Variants in FBXL17 observed in about 807,000 individuals in gnomAD.
FBXL17 encodes F-box and leucine rich repeat protein 17.
A neutral mutation model predicts 66.2 loss-of-function variants in FBXL17; 22 were observed. The observed-to-expected ratio is 0.33, with a 90% confidence interval of 0.24 to 0.47. FBXL17 has a LOEUF of 0.47. Among genes scored for constraint, FBXL17 ranks in the 20% least tolerant of loss-of-function variants. FBXL17 has a pLI of 1.00. For missense variants in FBXL17, 878 were observed against 948.2 expected (o/e 0.93, Z 0.97); for synonymous variants, 474 against 400.5 (o/e 1.18, Z -2.19).
chr5:108,315,617 TAA>T (rs1435452106), intron 4 of FBXL17, among the ~76,000 whole-genome samples: 1 of 149,110 alleles, frequency 6.7e-6, no homozygotes, highest in Admixed American at 6.7e-5. Flanking sequence ...TGAACCTTGT[TAA>T]AAAAAAAGAG....
chr5:108,302,355 A>G (rs1758629792), intron 4 of FBXL17, among the ~76,000 whole-genome samples: 1 of 151,878 alleles, frequency 6.6e-6, no homozygotes, highest in South Asian at 2.1e-4. Context: ...TGCTTCAAAC[A>G]AAATCCCAAA....
At chr5:108,214,572 A>G (rs1754519626) in intron 5 of FBXL17, among the ~76,000 whole-genome samples, 1 of 152,012 alleles carries the variant, frequency 6.6e-6, no homozygotes, top group South Asian at 2.1e-4. Context: ...GCATTTCACC[A>G]TATTGGCCAT....
Position 108,214,497 on chromosome 5 carries a change from A to T in FBXL17, c.1614+9624T>A, listed in dbSNP as rs557519960. Among the ~76,000 whole-genome samples the T allele has an allele frequency of 2.1e-3, 314 of 151,918 alleles. 1 individual carries two copies. The highest frequency in any genetic ancestry group is 3.1e-3 in the Non-Finnish European group (211 of 67,962). On this transcript the variant is annotated intron_variant, in intron 5 of 8. Transcript: ENST00000542267. ...ATTCTCCTGCCTCAGCCTCCCGAGT[A>T]ACTGGGACAAGAGGCACATGCCACT...
At chr5:107,885,030 T>C (rs1748917645) in intron 7 of FBXL17, among the ~76,000 whole-genome samples, 1 of 152,216 alleles carries the variant, frequency 6.6e-6, no homozygotes, top group Non-Finnish European at 1.5e-5. Context: ...TCTCTATCAG[T>C]GATCATAAAC....
chr5:108,016,936 C>T (rs1483499393), intron 7 of FBXL17, among the ~76,000 whole-genome samples: 3 of 152,084 alleles, frequency 2.0e-5, no homozygotes, highest in East Asian at 1.9e-4. Flanking sequence ...TGCGTCACCA[C>T]GCTCAGCTAA....
At chr5:107,982,876 G>C (rs1170996484) in intron 7 of FBXL17, among the ~76,000 whole-genome samples, 1 of 152,114 alleles carries the variant, frequency 6.6e-6, no homozygotes, top group African/African-American at 2.4e-5. Context: ...ATGTTTCCTG[G>C]CTCTGACTAC....
At chr5:108,201,676 T>C (rs1753900291) in intron 5 of FBXL17, among the ~76,000 whole-genome samples, 1 of 151,980 alleles carries the variant, frequency 6.6e-6, no homozygotes, top group Non-Finnish European at 1.5e-5. Flanking sequence ...TTTATTCTCA[T>C]TAAGCTCCAA....
At chr5:108,149,130 C>T (rs2149994286) in intron 6 of FBXL17, among the ~76,000 whole-genome samples, 1 of 152,224 alleles carries the variant, frequency 6.6e-6, no homozygotes, top group Admixed American at 6.5e-5. Flanking sequence ...GTGAAATGTA[C>T]ACAGTGTCTC....
chr5:107,996,356 C>A lies in FBXL17; in HGVS notation c.1822+24569G>T, dbSNP rs116040944. ...TGGAGACCGAGTCTCCCTGTGTGAC[C>A]CAGGCTGGAGTACAGTGGCAAGATC... On this transcript the variant is annotated intron_variant, in intron 7 of 8. Coordinates refer to ENST00000542267, the MANE Select transcript of FBXL17 (RefSeq NM_001163315.3). Among the ~76,000 whole-genome samples, 1,097 of 152,198 alleles carry A rather than the reference C, an allele frequency of 7.2e-3. 13 individuals carry two copies. The highest frequency in any genetic ancestry group is 0.024 in the African/African-American group (1,017 of 41,520).
At chr5:108,154,612 T>TACACACAC (rs1407716122) in intron 6 of FBXL17, among the ~76,000 whole-genome samples, 4 of 95,438 alleles carry the variant, frequency 4.2e-5, no homozygotes, top group African/African-American at 1.9e-4. Context: ...AAAAAATATA[T>TACACACAC]ATATACACAC....
intron 5 of FBXL17, among the ~76,000 whole-genome samples, chr5:108,199,423 C>T (rs900777085): frequency 1.3e-5 from 2 of 152,148 alleles, no homozygotes; most frequent in African/African-American, 2.4e-5. Flanking sequence ...ACTGAGAAAA[C>T]ATTTCAACTC....
chr5:108,014,483 T>G (rs1387300553), intron 7 of FBXL17, among the ~76,000 whole-genome samples: 2 of 152,178 alleles, frequency 1.3e-5, no homozygotes, highest in Non-Finnish European at 2.9e-5. Context: ...TGGTGGTATT[T>G]TCTTGGATGA....
At chr5:107,895,962 T>C (rs903595008) in intron 7 of FBXL17, among the ~76,000 whole-genome samples, 7 of 152,142 alleles carry the variant, frequency 4.6e-5, no homozygotes, top group Non-Finnish European at 1.0e-4. Context: ...ATCTCCTCCA[T>C]TTGGAGGCAA....
At chr5:108,000,433 CT>C (rs1452789490) in intron 7 of FBXL17, among the ~76,000 whole-genome samples, 4 of 152,194 alleles carry the variant, frequency 2.6e-5, no homozygotes, top group African/African-American at 9.6e-5. Context: ...TGTTAATCAC[CT>C]TTTCTGTTTG....
intron 4 of FBXL17, among the ~76,000 whole-genome samples, chr5:108,236,899 G>C (rs945188921): frequency 2.6e-5 from 4 of 152,126 alleles, no homozygotes; most frequent in Non-Finnish European, 5.9e-5. Context: ...ATACAGGAAA[G>C]GGAAATTATT....
chr5:108,055,280 GAAAAAAAAAAAAAAAAAA>G (rs1000211060), intron 6 of FBXL17, among the ~76,000 whole-genome samples: 2 of 23,692 alleles, frequency 8.4e-5, no homozygotes, highest in Non-Finnish European at 1.6e-4. Flanking sequence ...AGAATTTTTA[GAAAAAAAAAAAAAAAAAA>G]AAAAAAAAAA....
intron 5 of FBXL17, among the ~76,000 whole-genome samples, chr5:108,201,463 TAC>T (rs754932188): frequency 2.8e-4 from 43 of 152,084 alleles, no homozygotes; most frequent in Non-Finnish European, 5.4e-4. Flanking sequence ...AAAAATAAAA[TAC>T]AGTTAAGTAT....
chr5:107,992,935 G>A (rs574593748), intron 7 of FBXL17, among the ~76,000 whole-genome samples: 19 of 150,924 alleles, frequency 1.3e-4, no homozygotes, highest in African/African-American at 3.4e-4. Context: ...TTGCTCTGTC[G>A]CCCAGGTTGG....
chr5:107,859,994 T>G lies in FBXL17; in HGVS notation c.*1726A>C, dbSNP rs1156663546. The G allele has an allele frequency of 1.3e-5, 2 of 152,180 alleles. No homozygotes were observed. The highest frequency in any genetic ancestry group is 2.9e-5 in the Non-Finnish European group (2 of 68,026). 9.4% of individuals were successfully genotyped at this position (152,180 alleles called of 1,614,324 possible). A position where few individuals can be genotyped will look rare whatever the true frequency, so the allele number is the denominator to read the frequency against. On this transcript the variant is annotated 3_prime_UTR_variant, in exon 9 of 9. Transcript: ENST00000542267. ...TTACACAAATTTTATTCCCTTCAAA[T>G]TAAATTAGAAACCCATTTAGTTATG...
Sources: gnomAD v4.1 joint callset for allele counts (sites outside exome capture counted in the v4.1 genomes callset) on GRCh38, gnomAD v4.1.1 for gene constraint, MANE v1.5 for transcripts, NCBI Gene and HGNC (gene_info 2026-07-23, HGNC 2026-07-21) for gene names.